Variants in SUGP1 observed in about 807,000 individuals in gnomAD.
SUGP1 encodes SURP and G-patch domain containing 1.
SUGP1 carries 34 observed loss-of-function variants against 76.5 expected under a neutral mutation model. The ratio of observed to expected loss-of-function variants is 0.44; its 90% CI spans 0.34 to 0.59. SUGP1 has a LOEUF of 0.59. SUGP1 is among the 20% of genes least tolerant of loss of function. SUGP1 has a pLI of 0.01. For synonymous variants in SUGP1, 326 were observed against 326.2 expected (o/e 1.00, Z 0.01); for missense variants, 752 against 851.7 (o/e 0.88, Z 1.46).
intron 1 of SUGP1, among the ~76,000 whole-genome samples, chr19:19,318,243 G>T (rs981828237): frequency 2.7e-5 from 4 of 148,200 alleles, no homozygotes; most frequent in Non-Finnish European, 4.4e-5. Flanking sequence ...TCAGCCTCCC[G>T]AGTATCTGGG....
In SUGP1 at chr19:19,297,190, G is replaced by A. The variant is rs762453182; in HGVS notation, c.1042C>T (p.Pro348Ser). 1 of 1,609,306 alleles carries A rather than the reference G, an allele frequency of 6.2e-7. No individual in the cohort carries two copies. Among genetic ancestry groups the A allele is most frequent in the Admixed American group, 1.7e-5 (1 of 59,834 alleles). Residue 348 changes from proline (P) to serine (S), a missense_variant, in exon 8 of 14, where the codon CCC becomes TCC. By Grantham distance (74) the Pro-to-Ser change is moderately conservative. Around this residue, in one of 2 missense-constraint regions of SUGP1, gnomAD observed 620 missense variants for 617.3 expected, o/e 1.00. Transcript: ENST00000247001. Reference sequence around the variant, plus strand: ...GAGGCGGGGCAGGTGGTGGCTGGGGGTAAGGACCCTGACAGGGCCTCAGGA... The same window carrying A: ...GAGGCGGGGCAGGTGGTGGCTGGGGATAAGGACCCTGACAGGGCCTCAGGA... ...SPPEALSGSL[P>S]PATTCPASST...
intron 7 of SUGP1, among the ~76,000 whole-genome samples, chr19:19,297,823 C>A (rs373619371): frequency 3.9e-5 from 6 of 152,198 alleles, no homozygotes; most frequent in Non-Finnish European, 7.3e-5. Flanking sequence ...TTCTACCCCA[C>A]GTGGGGGCAG....
intron 8 of SUGP1, among the ~76,000 whole-genome samples, chr19:19,283,829 C>T (rs2061119314): frequency 6.6e-6 from 1 of 152,216 alleles, no homozygotes; most frequent in Non-Finnish European, 1.5e-5. Flanking sequence ...TTGTGATCTG[C>T]CCGCCTTGGC....
At chr19:19,309,501 C>T (rs1034807662) in intron 3 of SUGP1, among the ~76,000 whole-genome samples, 42 of 152,176 alleles carry the variant, frequency 2.8e-4, no homozygotes, top group Admixed American at 4.6e-4. Flanking sequence ...AATTACTGGC[C>T]GGGCGGAGTG....
In SUGP1 at chr19:19,297,634, G is replaced by A. The variant is rs147962202; in HGVS notation, c.888-290C>T. 4.4e-3 allele frequency among the ~76,000 whole-genome samples: 675 copies of A among 152,262 alleles called. 3 individuals carry two copies. Among genetic ancestry groups the A allele is most frequent in the South Asian group, 0.031 (150 of 4,820 alleles). The stretch of plus-strand genomic sequence containing the variant: ...TGTTCACCCTGCTACAAAGGGAAAG[G>A]GCAGGGACCCTCAGACCCTTCCCCA... On this transcript the variant is annotated intron_variant, in intron 7 of 13. Coordinates refer to ENST00000247001, the MANE Select transcript of SUGP1 (RefSeq NM_172231.4).
chr19:19,305,719 C>T (rs1275502336), intron 4 of SUGP1, 130 bp downstream of exon 4: 2 of 885,336 alleles, frequency 2.3e-6, no homozygotes, highest in Non-Finnish European at 3.4e-6. Flanking sequence ...AGGCTCAGCT[C>T]AGAGGTCTGG....
At chr19:19,297,743 G>T (rs768998196) in intron 7 of SUGP1, among the ~76,000 whole-genome samples, 3 of 152,238 alleles carry the variant, frequency 2.0e-5, no homozygotes, top group African/African-American at 7.2e-5. Context: ...AGAGGGACTT[G>T]TCTTGATCCC....
chr19:19,308,984 A>G (rs987448031), intron 3 of SUGP1, among the ~76,000 whole-genome samples: 9 of 151,936 alleles, frequency 5.9e-5, no homozygotes, highest in Non-Finnish European at 1.0e-4. Flanking sequence ...CCCCTGCCTC[A>G]GCCTCCCGAG....
At chr19:19,282,379 G>C (rs2061105308) in intron 8 of SUGP1, among the ~76,000 whole-genome samples, 1 of 151,254 alleles carries the variant, frequency 6.6e-6, no homozygotes, top group South Asian at 2.1e-4. Flanking sequence ...TGGGAGGATA[G>C]CTTGAGCCCA....
chr19:19,278,404 G>A (rs1222564039), intron 11 of SUGP1, among the ~76,000 whole-genome samples: 6 of 152,308 alleles, frequency 3.9e-5, no homozygotes, highest in Admixed American at 3.9e-4. Context: ...GGGGACTTCT[G>A]CCGGAGAAAC....
intron 8 of SUGP1, among the ~76,000 whole-genome samples, chr19:19,296,664 A>T (rs2061228269): frequency 6.6e-6 from 1 of 152,014 alleles, no homozygotes; most frequent in Admixed American, 6.6e-5. Flanking sequence ...AAAAGAAAAA[A>T]GAAAAAAGAA....
At chr19:19,320,276 C>T (rs559942486) in intron 1 of SUGP1, among the ~76,000 whole-genome samples, 187 bp downstream of exon 1, 69 of 152,300 alleles carry the variant, frequency 4.5e-4, no homozygotes, top group African/African-American at 1.6e-3. Context: ...GCAAACCAAG[C>T]GGGGGCGGCC....
chr19:19,278,868 G>T, intron 10 of SUGP1, 72 bp from the exon 11 acceptor site: 1 of 1,486,344 alleles, frequency 6.7e-7, no homozygotes, highest in Non-Finnish European at 9.2e-7. Context: ...TGGCTCCCAG[G>T]GCACAGGTAT....
rs1159457696 is a variant in SUGP1, at chr19:19,318,164, C to CTGGA, written c.35-1575_35-1572dup. On this transcript the variant is annotated intron_variant, in intron 1 of 13. Transcript: ENST00000247001. ...TGAAGTATTGCTCTTTTCCCCCAGGCTGGAGTGCAATGGCGCGATCTTGGC... is the reference window on the plus strand; with the variant it reads ...TGAAGTATTGCTCTTTTCCCCCAGGCTGGATGGAGTGCAATGGCGCGATCTTGGC... 2.3e-5 allele frequency among the ~76,000 whole-genome samples: 3 copies of CTGGA among 128,370 alleles called. No homozygotes were observed. The East Asian group carries it at 6.9e-4, about 29-fold the overall frequency. The allele number at this position is 128,370 out of a possible 152,430, so 84.2% of individuals were successfully genotyped here.
At chr19:19,279,878 G>A (rs1599844011) in intron 9 of SUGP1, among the ~76,000 whole-genome samples, 1 of 152,232 alleles carries the variant, frequency 6.6e-6, no homozygotes, top group Non-Finnish European at 1.5e-5. Flanking sequence ...ATGGGAACCA[G>A]CCCTGGAGCG....
rs369126818 is a variant in SUGP1, at chr19:19,304,095, A to G, written c.539-248T>C. ...TGTGGTGAGCTCCAGGCTGGAAGCT[A>G]GCAGAAAATATATCCAGCTTCCCCT... On this transcript the variant is annotated intron_variant, in intron 4 of 13. Transcript: ENST00000247001. 6.9e-5 allele frequency: 96 copies of G among 1,397,618 alleles called. No homozygotes were observed. The East Asian group carries it at 2.1e-3, about 30-fold the overall frequency. 86.6% of individuals were successfully genotyped at this position (1,397,618 alleles called of 1,614,324 possible).
intron 3 of SUGP1, 21 bp from the exon 4 acceptor site, chr19:19,306,097 T>C (rs2061316112): frequency 6.5e-7 from 1 of 1,534,626 alleles, no homozygotes; most frequent in Non-Finnish European, 8.8e-7. Flanking sequence ...AGGAAGGATA[T>C]GCGCACTCGG....
intron 4 of SUGP1, 105 bp downstream of exon 4, chr19:19,305,744 C>T: frequency 8.3e-7 from 1 of 1,203,996 alleles, no homozygotes; most frequent in Non-Finnish European, 1.2e-6. Context: ...TGCAACTCAG[C>T]CGAAAGCACC....
intron 7 of SUGP1, chr19:19,301,885 C>T (rs2061274784): frequency 5.5e-6 from 1 of 181,920 alleles, no homozygotes; most frequent in South Asian, 1.5e-4. Context: ...AAGGGGAGAC[C>T]CTGAGAACGT....
Sources: gnomAD v4.1 joint callset for allele counts (sites outside exome capture counted in the v4.1 genomes callset) on GRCh38, gnomAD v4.1.1 for gene constraint, gnomAD v4.1.1 regional missense constraint, MANE v1.5 for transcripts, NCBI Gene and HGNC (gene_info 2026-07-23, HGNC 2026-07-21) for gene names.